Variants in MTMR2 observed in about 807,000 individuals in gnomAD.
MTMR2 encodes phosphatidylinositol-3,5-bisphosphate 3-phosphatase MTMR2.
A neutral mutation model predicts 86.9 loss-of-function variants in MTMR2; 55 were observed. That is an observed-to-expected ratio of 0.63 (90% CI 0.51 to 0.79). The LOEUF is 0.79. Among genes scored for constraint, MTMR2 ranks in the 30% least tolerant of loss-of-function variants. The pLI, the probability that MTMR2 is intolerant of heterozygous loss-of-function variation, is 0.00. For synonymous variants in MTMR2, 241 were observed against 266.8 expected, an observed-to-expected ratio of 0.90 and a Z score of 0.94; for missense variants, 659 against 772.3, an observed-to-expected ratio of 0.85 and a Z score of 1.74.
chr11:95,895,247 GTTT>G (rs1284270982), intron 1 of MTMR2, among the ~76,000 whole-genome samples: 4 of 151,878 alleles, frequency 2.6e-5, no homozygotes, highest in African/African-American at 9.7e-5. Flanking sequence ...TGAAATTGCT[GTTT>G]TTATAGGTCA....
chr11:95,838,760 G>A (rs1863408127), intron 12 of MTMR2, among the ~76,000 whole-genome samples: 1 of 151,912 alleles, frequency 6.6e-6, no homozygotes, highest in South Asian at 2.1e-4. Flanking sequence ...TCAAACCAGA[G>A]TCCCTTGTAA....
At chr11:95,853,733 C>A (rs1864108039) in intron 7 of MTMR2, among the ~76,000 whole-genome samples, 1 of 152,164 alleles carries the variant, frequency 6.6e-6, no homozygotes, top group South Asian at 2.1e-4. Context: ...TGGACTTTAT[C>A]ATTTTGTTTC....
intron 1 of MTMR2, among the ~76,000 whole-genome samples, chr11:95,891,840 G>A (rs758654994): frequency 1.3e-5 from 2 of 152,078 alleles, no homozygotes; most frequent in East Asian, 3.9e-4. Flanking sequence ...GAGAGAGAAA[G>A]GGGGAGAGAG....
chr11:95,918,897 C>A (rs558082934), intron 1 of MTMR2, among the ~76,000 whole-genome samples: 1 of 152,292 alleles, frequency 6.6e-6, no homozygotes, highest in South Asian at 2.1e-4. Flanking sequence ...AATACAGTGG[C>A]ACTATCACAA....
At chr11:95,877,963 C>T (rs1306130778) in intron 2 of MTMR2, among the ~76,000 whole-genome samples, 3 of 151,448 alleles carry the variant, frequency 2.0e-5, no homozygotes, top group Admixed American at 6.6e-5. Flanking sequence ...CCCTAAGAAA[C>T]GAATGCCTAA....
chr11:95,913,610 G>A (rs4430471), intron 1 of MTMR2, among the ~76,000 whole-genome samples: 41,334 of 151,958 alleles, frequency 0.27, 6,790 homozygotes, highest in Non-Finnish European at 0.37. Context: ...AACACTAATT[G>A]GTTGATCTCT....
chr11:95,914,064 C>T (rs1360555286), intron 1 of MTMR2, among the ~76,000 whole-genome samples: 1 of 152,060 alleles, frequency 6.6e-6, no homozygotes, highest in Non-Finnish European at 1.5e-5. Context: ...TGACTGCTTT[C>T]CCCAAGTAGA....
At chr11:95,918,478 C>T (rs1389200333) in intron 1 of MTMR2, among the ~76,000 whole-genome samples, 3 of 152,180 alleles carry the variant, frequency 2.0e-5, no homozygotes, top group Non-Finnish European at 2.9e-5. Context: ...TCACTATCAA[C>T]TTGCATTCTT....
chr11:95,870,033 A>C (rs1864794552), intron 2 of MTMR2, among the ~76,000 whole-genome samples: 1 of 152,186 alleles, frequency 6.6e-6, no homozygotes, highest in African/African-American at 2.4e-5. Context: ...TCTGTATTTC[A>C]ATAGATATAA....
chr11:95,912,576 CATAT>C (rs1329047922), intron 1 of MTMR2, among the ~76,000 whole-genome samples: 6 of 151,656 alleles, frequency 4.0e-5, no homozygotes, highest in African/African-American at 1.5e-4. Context: ...GAGATTTACT[CATAT>C]AAAGTTACAA....
intron 1 of MTMR2, among the ~76,000 whole-genome samples, chr11:95,897,325 G>A (rs923322240): frequency 1.3e-5 from 2 of 151,876 alleles, no homozygotes; most frequent in African/African-American, 4.8e-5. Flanking sequence ...ATACACACAC[G>A]ATGCACACAT....
chr11:95,839,555 A>G (rs1487825790), intron 12 of MTMR2, among the ~76,000 whole-genome samples: 2 of 152,092 alleles, frequency 1.3e-5, no homozygotes, highest in African/African-American at 2.4e-5. Flanking sequence ...AACTGCAGCT[A>G]TTGCTTTTAA....
chr11:95,923,008 T>C (rs532953877), intron 1 of MTMR2, among the ~76,000 whole-genome samples: 11 of 152,262 alleles, frequency 7.2e-5, no homozygotes, highest in African/African-American at 2.4e-4. Context: ...AAAAAGCAAA[T>C]ACAGGTCTTA....
chr11:95,858,170 T>TC, intron 6 of MTMR2, among the ~76,000 whole-genome samples: 1 of 152,044 alleles, frequency 6.6e-6, no homozygotes. Flanking sequence ...GAACTCAGGG[T>TC]TTGCCTACCC....
rs866552599 is a variant in MTMR2 at position 95,857,701 on chromosome 11, T to C, written c.571-66A>G. 3.4e-5 allele frequency: 33 copies of C among 974,532 alleles called. No homozygotes were observed. The African/African-American group carries it at 5.0e-4, about 15-fold the overall frequency. 60.4% of individuals were successfully genotyped at this position (974,532 alleles called of 1,614,324 possible). A position where few individuals can be genotyped will look rare whatever the true frequency, so the allele number is the denominator to read the frequency against. On this transcript the variant is annotated intron_variant, in intron 6 of 14. Transcript: ENST00000346299. Reference sequence around the variant, plus strand: ...TCACAAAGGTAATGAATCAGAAATGTATCCATATATCCAAAGTTTTCATTT... The same window carrying C: ...TCACAAAGGTAATGAATCAGAAATGCATCCATATATCCAAAGTTTTCATTT...
At chr11:95,901,205 C>A (rs7109942) in intron 1 of MTMR2, among the ~76,000 whole-genome samples, 2,337 of 152,224 alleles carry the variant, frequency 0.015, 62 homozygotes, top group African/African-American at 0.054. Flanking sequence ...AACCTTCTAT[C>A]TTTAATCTTC....
At chr11:95,868,399 C>A (rs982324071) in intron 2 of MTMR2, among the ~76,000 whole-genome samples, 2 of 149,608 alleles carry the variant, frequency 1.3e-5, no homozygotes, top group African/African-American at 4.9e-5. Flanking sequence ...AGAATGACTG[C>A]AAGGACATTT....
intron 1 of MTMR2, among the ~76,000 whole-genome samples, chr11:95,889,676 A>G (rs1265009120): frequency 1.3e-5 from 2 of 151,946 alleles, no homozygotes; most frequent in Non-Finnish European, 2.9e-5. Flanking sequence ...TTTATTTTCC[A>G]CAAAATCTAC....
chr11:95,900,394 C>T (rs1410747795), intron 1 of MTMR2, among the ~76,000 whole-genome samples: 1 of 152,118 alleles, frequency 6.6e-6, no homozygotes, highest in African/African-American at 2.4e-5. Flanking sequence ...GTAGTTAACA[C>T]TACCTAATAC....
Sources: gnomAD v4.1 joint callset for allele counts (sites outside exome capture counted in the v4.1 genomes callset) on GRCh38, gnomAD v4.1.1 for gene constraint, MANE v1.5 for transcripts, NCBI Gene and HGNC (gene_info 2026-07-23, HGNC 2026-07-21) for gene names.